Variants in NTM observed in about 807,000 individuals in gnomAD.
The protein encoded by NTM is neurotrimin, also known as IgLON family member 2.
NTM carries 13 observed loss-of-function variants against 42.1 expected under a neutral mutation model. The ratio of observed to expected loss-of-function variants is 0.31; its 90% confidence interval spans 0.20 to 0.49. The LOEUF (loss-of-function observed/expected upper bound fraction) is 0.49. Ranked by LOEUF, NTM falls within the 20% of genes least tolerant of loss-of-function variation. The pLI is 0.99. For missense variants in NTM, 373 were observed against 452.8 expected, an observed-to-expected ratio of 0.82 and a Z score of 1.60; for synonymous variants, 187 against 179.2, an observed-to-expected ratio of 1.04 and a Z score of -0.35.
At chr11:131,456,827 C>A (rs186295163) in intron 1 of NTM, among the ~76,000 whole-genome samples, 25 of 151,470 alleles carry the variant, frequency 1.7e-4, no homozygotes, top group Admixed American at 2.6e-4. Context: ...CGGATCTCTG[C>A]TTCAGCTAAA....
chr11:131,621,267 G>A (rs2062507233), intron 1 of NTM, among the ~76,000 whole-genome samples: 1 of 152,114 alleles, frequency 6.6e-6, no homozygotes, highest in Non-Finnish European at 1.5e-5. Flanking sequence ...TAAAAACTAG[G>A]ATTCTAATAG....
At chr11:131,702,196 G>A (rs185165216) in intron 1 of NTM, among the ~76,000 whole-genome samples, 5 of 152,188 alleles carry the variant, frequency 3.3e-5, no homozygotes, top group East Asian at 1.9e-4. Flanking sequence ...ACCAGGGATC[G>A]GCCCACACTT....
intron 2 of NTM, among the ~76,000 whole-genome samples, chr11:132,008,937 A>G (rs2071455393): frequency 6.6e-6 from 1 of 151,200 alleles, no homozygotes; most frequent in African/African-American, 2.4e-5. Context: ...GAATGAAGGT[A>G]ACAAAATGTT....
At chr11:131,713,695 T>C (rs1265765312) in intron 1 of NTM, among the ~76,000 whole-genome samples, 3 of 152,218 alleles carry the variant, frequency 2.0e-5, no homozygotes, top group Admixed American at 1.3e-4. Flanking sequence ...AAGTTCAGTA[T>C]GCTGTGTTGT....
rs115377079 is a variant in NTM at position 132,252,498 on chromosome 11, A to T, written c.526+40351A>T. Among the ~76,000 whole-genome samples, 1,427 of 152,338 alleles carry T rather than the reference A, an allele frequency of 9.4e-3. 17 individuals are homozygous for T. The highest frequency in any genetic ancestry group is 0.032 in the African/African-American group (1,351 of 41,588). On this transcript the variant is annotated intron_variant, in intron 4 of 8. Transcript: ENST00000683400. ...CTGTGGGGCATATGGCAGCAGGAAA[A>T]GAAAGCCTGGAACAACAGTTTTCCA...
At chr11:131,726,806 T>C (rs1018869739) in intron 1 of NTM, among the ~76,000 whole-genome samples, 1 of 150,712 alleles carries the variant, frequency 6.6e-6, no homozygotes, top group African/African-American at 2.5e-5. Context: ...CTAAACCTAA[T>C]GGGCTCAAGT....
chr11:131,626,760 C>A (rs755164807), intron 1 of NTM, among the ~76,000 whole-genome samples: 1 of 152,262 alleles, frequency 6.6e-6, no homozygotes, highest in Non-Finnish European at 1.5e-5. Context: ...AGCTAGACTT[C>A]TTCCATGGCC....
At chr11:131,705,438 CT>C (rs1440484791) in intron 1 of NTM, among the ~76,000 whole-genome samples, 1 of 152,076 alleles carries the variant, frequency 6.6e-6, no homozygotes, top group African/African-American at 2.4e-5. Context: ...GCTGAGGGCA[CT>C]CAACACCACT....
intron 4 of NTM, among the ~76,000 whole-genome samples, chr11:132,214,243 G>A (rs1038014304): frequency 6.6e-6 from 1 of 152,156 alleles, no homozygotes; most frequent in Non-Finnish European, 1.5e-5. Flanking sequence ...TGCTAAGTCC[G>A]CGGTGTGCAC....
At chr11:132,185,210 TC>T (rs200602043) in intron 3 of NTM, among the ~76,000 whole-genome samples, 2,104 of 152,176 alleles carry the variant, frequency 0.014, 52 homozygotes, top group African/African-American at 0.047. Flanking sequence ...TCACTCTCAC[TC>T]CCCCCATATG....
At chr11:131,957,596 C>A (rs192545428) in intron 2 of NTM, among the ~76,000 whole-genome samples, 1 of 152,310 alleles carries the variant, frequency 6.6e-6, no homozygotes, top group East Asian at 1.9e-4. Flanking sequence ...ATTTTATTGT[C>A]ATTTATTCCC....
intron 2 of NTM, among the ~76,000 whole-genome samples, chr11:132,143,953 A>G (rs1019496136): frequency 6.6e-6 from 1 of 152,086 alleles, no homozygotes; most frequent in African/African-American, 2.4e-5. Flanking sequence ...CATTCTGGAT[A>G]TTGTCATCAA....
At chr11:131,719,126 T>G (rs2078051457) in intron 1 of NTM, among the ~76,000 whole-genome samples, 1 of 152,076 alleles carries the variant, frequency 6.6e-6, no homozygotes, top group African/African-American at 2.4e-5. Context: ...CTCAGGCTGG[T>G]TTCAAGCTCC....
chr11:131,894,509 G>A (rs961574436), intron 1 of NTM, among the ~76,000 whole-genome samples: 1 of 152,116 alleles, frequency 6.6e-6, no homozygotes, highest in African/African-American at 2.4e-5. Flanking sequence ...CAGACATGGA[G>A]GCAGTTCTAT....
chr11:132,126,780 A>G (rs2137013668), intron 2 of NTM, among the ~76,000 whole-genome samples: 1 of 152,186 alleles, frequency 6.6e-6, no homozygotes, highest in African/African-American at 2.4e-5. Context: ...CCTTTTTCCG[A>G]TTTGTGCTGG....
intron 2 of NTM, among the ~76,000 whole-genome samples, chr11:132,089,454 C>T (rs1245889713): frequency 1.3e-5 from 2 of 152,160 alleles, no homozygotes; most frequent in Non-Finnish European, 2.9e-5. Context: ...GGAAAGCTTG[C>T]TCAATATTAA....
intron 2 of NTM, among the ~76,000 whole-genome samples, chr11:132,058,661 G>T (rs972007552): frequency 1.3e-5 from 2 of 152,152 alleles, no homozygotes; most frequent in African/African-American, 4.8e-5. Flanking sequence ...TTTGGCTGGG[G>T]CAGGGAGTTC....
chr11:132,137,485 C>CT (rs748112505), intron 2 of NTM, among the ~76,000 whole-genome samples: 5 of 152,204 alleles, frequency 3.3e-5, no homozygotes, highest in Non-Finnish European at 5.9e-5. Flanking sequence ...AATGCAGACT[C>CT]TTTCTTTCAC....
chr11:131,954,340 G>T (rs887494509), intron 2 of NTM, among the ~76,000 whole-genome samples: 2 of 152,204 alleles, frequency 1.3e-5, no homozygotes, highest in Non-Finnish European at 2.9e-5. Context: ...GGTGACTGTC[G>T]CTGCTTGGTG....
Sources: gnomAD v4.1 joint callset for allele counts (sites outside exome capture counted in the v4.1 genomes callset) on GRCh38, gnomAD v4.1.1 for gene constraint, MANE v1.5 for transcripts, NCBI Gene and HGNC (gene_info 2026-07-23, HGNC 2026-07-21) for gene names.